OPTN: variants seen among roughly 807,000 people sequenced by gnomAD.
OPTN encodes the protein optineurin, also known as E3-14.7K-interacting protein.
Under a neutral mutation model 70.4 loss-of-function variants are expected in OPTN, and 54 were observed. The ratio of observed to expected loss-of-function variants is 0.77; its 90% CI spans 0.62 to 0.96. OPTN has a LOEUF of 0.96. Ranked by LOEUF, OPTN falls within the 40% of genes least tolerant of loss-of-function variation. OPTN has a pLI of 0.00. For synonymous variants in OPTN, 256 were observed against 248.5 expected, an observed-to-expected ratio of 1.03 and a Z score of -0.28; for missense variants, 624 against 673.2, an observed-to-expected ratio of 0.93 and a Z score of 0.81.
intron 1 of OPTN, among the ~76,000 whole-genome samples, chr10:13,106,470 T>G (rs1055675553): frequency 6.6e-6 from 1 of 152,192 alleles, no homozygotes; most frequent in Non-Finnish European, 1.5e-5. Context: ...TACAAAAAGT[T>G]CAAAAATGAA....
chr10:13,127,136 T>C (rs1833484536), intron 11 of OPTN, among the ~76,000 whole-genome samples: 1 of 152,204 alleles, frequency 6.6e-6, no homozygotes, highest in Admixed American at 6.5e-5. Flanking sequence ...CTTGTAAATA[T>C]ACTCTTTGTT....
At chr10:13,130,846 C>A (rs1019133410) in intron 12 of OPTN, among the ~76,000 whole-genome samples, 2 of 152,052 alleles carry the variant, frequency 1.3e-5, no homozygotes, top group African/African-American at 2.4e-5. Context: ...TAGCTGACAG[C>A]ATTAAATATT....
intron 3 of OPTN, among the ~76,000 whole-genome samples, chr10:13,109,834 C>CAAAAAAAAAA (rs33911800): frequency 1.2e-5 from 1 of 84,914 alleles, no homozygotes; most frequent in Non-Finnish European, 2.2e-5. Flanking sequence ...GACCCTGACT[C>CAAAAAAAAAA]AAAAAAAAAA....
rs886046820 is a variant in OPTN at position 13,124,073 on chromosome 10, A to G, written c.961A>G (p.Ser321Gly). 1 of 1,612,578 alleles carries G rather than the reference A, an allele frequency of 6.2e-7. No individual in the cohort carries two copies. The highest frequency in any genetic ancestry group is 1.1e-5 in the South Asian group (1 of 90,940). The change falls in exon 9 of 15, where the codon AGC becomes GGC. Residue 321 changes from serine to glycine, a missense_variant. Physicochemically the swap from Ser to Gly is moderately conservative, Grantham distance 56. Transcript: ENST00000378747. Reference protein sequence around the residue: ...KELQEAHTKLSEAELMKKRLQ... With the variant: ...KELQEAHTKLGEAELMKKRLQ... The stretch of plus-strand genomic sequence containing the variant: ...GCTTCAAGAGGCTCATACAAAACTC[A>G]GCGAAGCTGAGCTAATGAAGAAGAG...
Position 13,122,488 on chromosome 10 carries a change from G to A in OPTN, c.882+1G>A, listed in dbSNP as rs750980737. ...TGATGAAGAGAAAGGCCCGGAGACTGTGAGTCCTAAGATTCCACGGCCACT... is the reference window on the plus strand; with the variant it reads ...TGATGAAGAGAAAGGCCCGGAGACTATGAGTCCTAAGATTCCACGGCCACT... On this transcript the variant is annotated splice_donor_variant, in intron 8 of 14. Coordinates refer to ENST00000378747, the MANE Select transcript of OPTN (RefSeq NM_001008212.2). LOFTEE classifies it high-confidence loss of function. The A allele has an allele frequency of 6.2e-6, 10 of 1,607,444 alleles. No homozygotes were observed. The highest frequency in any genetic ancestry group is 1.3e-5 in the African/African-American group (1 of 74,784).
intron 9 of OPTN, 77 bp from the exon 10 acceptor site, chr10:13,125,341 A>AAC: frequency 6.7e-7 from 1 of 1,498,432 alleles, no homozygotes; most frequent in Non-Finnish European, 9.3e-7. Flanking sequence ...TATTGTACAT[A>AAC]ACCTTGGGGT....
chr10:13,126,147 G>A (rs902991225), intron 11 of OPTN, 108 bp downstream of exon 11: 1 of 741,362 alleles, frequency 1.3e-6, no homozygotes, highest in East Asian at 2.7e-5. Context: ...TGGTTTCAAA[G>A]GTTGTTTTCC....
chr10:13,132,299 G>T, intron 13 of OPTN, 102 bp downstream of exon 13: 1 of 1,339,218 alleles, frequency 7.5e-7, no homozygotes, highest in Non-Finnish European at 1.0e-6. Context: ...GAATAGCTGT[G>T]TTCGCGCCAC....
chr10:13,136,112 A>G (rs1833693206), intron 14 of OPTN, among the ~76,000 whole-genome samples: 1 of 152,110 alleles, frequency 6.6e-6, no homozygotes, highest in African/African-American at 2.4e-5. Flanking sequence ...ACTGGATCCC[A>G]GGAGTTAGAG....
intron 14 of OPTN, among the ~76,000 whole-genome samples, chr10:13,134,625 A>G (rs1476552706): frequency 6.6e-6 from 1 of 152,088 alleles, no homozygotes; most frequent in Non-Finnish European, 1.5e-5. Flanking sequence ...ACAGGGTTTC[A>G]CCATGTTGGC....
Position 13,110,271 on chromosome 10 carries a change from C to T in OPTN, c.167-3C>T, listed in dbSNP as rs928750477. The T allele has an allele frequency of 3.1e-6, 5 of 1,613,462 alleles. No homozygotes were observed. The African/African-American group carries it at 6.7e-5, about 22-fold the overall frequency. ...TGACTCCATCACTCTGAACCTCCTG[C>T]AGAAGCCATGAAGCTAAATAATCAA... On this transcript the variant is annotated splice_polypyrimidine_tract_variant and splice_region_variant and intron_variant, in intron 3 of 14. Coordinates refer to ENST00000378747, the MANE Select transcript of OPTN (RefSeq NM_001008212.2).
chr10:13,113,395 A>T (rs1833051967), intron 5 of OPTN, among the ~76,000 whole-genome samples: 1 of 152,216 alleles, frequency 6.6e-6, no homozygotes, highest in African/African-American at 2.4e-5. Flanking sequence ...AGAGGAGAAA[A>T]GAAAGAGCAG....
intron 1 of OPTN, among the ~76,000 whole-genome samples, chr10:13,107,883 C>T (rs1832902344): frequency 6.6e-6 from 1 of 152,110 alleles, no homozygotes; most frequent in South Asian, 2.1e-4. Flanking sequence ...ACATCATTTT[C>T]ACCAAGTGTG....
At chr10:13,133,736 C>T (rs1002325412) in intron 14 of OPTN, among the ~76,000 whole-genome samples, 155 bp downstream of exon 14, 2 of 152,222 alleles carry the variant, frequency 1.3e-5, no homozygotes, top group African/African-American at 4.8e-5. Flanking sequence ...CTCCCATCTC[C>T]ATCCATTACC....
rs563413263 is a variant in OPTN, at chr10:13,112,559, G to T, written c.476G>T (p.Gly159Val). Reference sequence around the variant, plus strand: ...CAAGCAGAGAAGGCAGACCTGTTGGGCATCGTGTCTGAACTGCAGCTCAAG... The same window carrying T: ...CAAGCAGAGAAGGCAGACCTGTTGGTCATCGTGTCTGAACTGCAGCTCAAG... ...RLQAEKADLLGIVSELQLKLN... is the reference protein window; with the variant it reads ...RLQAEKADLLVIVSELQLKLN... Residue 159 changes from glycine to valine, a missense_variant, in exon 5 of 15, where the codon GGC becomes GTC. Physicochemically the swap from Gly to Val is moderately radical, Grantham distance 109. Coordinates refer to ENST00000378747, the MANE Select transcript of OPTN (RefSeq NM_001008212.2). The T allele has an allele frequency of 5.0e-6, 8 of 1,614,034 alleles. No individual in the cohort carries two copies. The highest frequency in any genetic ancestry group is 5.9e-6 in the Non-Finnish European group (7 of 1,180,040).
At position 13,128,502 on chromosome 10, in the gene OPTN, C is replaced by CTTTTTTTTTTTTTTTTTTT. The variant is rs56147136; in HGVS notation, c.1401+613_1401+631dup. Among the ~76,000 whole-genome samples the CTTTTTTTTTTTTTTTTTTT allele has an allele frequency of 6.3e-4, 21 of 33,476 alleles. 3 individuals are homozygous for CTTTTTTTTTTTTTTTTTTT. The highest frequency in any genetic ancestry group is 9.8e-4 in the African/African-American group (6 of 6,140). The allele number at this position is 33,476 out of a possible 152,430, so 22.0% of individuals were successfully genotyped here. A position where few individuals can be genotyped will look rare whatever the true frequency, so the allele number is the denominator to read the frequency against. On this transcript the variant is annotated intron_variant, in intron 12 of 14. Transcript: ENST00000378747. ...TTGTGAAGTGCCTTATCAAGCCTGCCTTTTTTTTTTTTTTTTTTTTTTTTT... is the reference window on the plus strand; with the variant it reads ...TTGTGAAGTGCCTTATCAAGCCTGCCTTTTTTTTTTTTTTTTTTTTTTTTTTTTTTTTTTTTTTTTTTTT...
Position 13,136,738 on chromosome 10 carries a change from T to C in OPTN, c.1613-7T>C, listed in dbSNP as rs1240982680. 2 of 1,613,812 alleles carry C rather than the reference T, an allele frequency of 1.2e-6. No individual in the cohort carries two copies. Among genetic ancestry groups the C allele is most frequent in the Non-Finnish European group, 1.7e-6 (2 of 1,179,870 alleles). ...GGAACTAATGGAATTATCATACTTA[T>C]TCCCAGGAGCTGAGGACAGGGACTG... On this transcript the variant is annotated splice_polypyrimidine_tract_variant and splice_region_variant and intron_variant, in intron 14 of 14. Coordinates refer to ENST00000378747, the MANE Select transcript of OPTN (RefSeq NM_001008212.2).
At chr10:13,122,511 A>C (rs777490458) in intron 8 of OPTN, 24 bp downstream of exon 8, 1 of 1,459,898 alleles carries the variant, frequency 6.8e-7, no homozygotes, top group Non-Finnish European at 9.6e-7. Context: ...TTCCACGGCC[A>C]CTACCACACC....
In OPTN at chr10:13,116,351, G is replaced by A; in HGVS notation, c.626+11G>A. On this transcript the variant is annotated intron_variant, in intron 6 of 14. Coordinates refer to ENST00000378747, the MANE Select transcript of OPTN (RefSeq NM_001008212.2). ...AGTCTCCACTGGCACGTATGTGAAG[G>A]AAGACTCGGGCTGTCAGGCAGACAG... The A allele has an allele frequency of 1.2e-6, 2 of 1,608,214 alleles. No homozygotes were observed. Among genetic ancestry groups the A allele is most frequent in the Non-Finnish European group, 1.7e-6 (2 of 1,174,686 alleles).
Sources: gnomAD v4.1 joint callset for allele counts (sites outside exome capture counted in the v4.1 genomes callset) on GRCh38, gnomAD v4.1.1 for gene constraint, MANE v1.5 for transcripts, NCBI Gene and HGNC (gene_info 2026-07-23, HGNC 2026-07-21) for gene names.